Variants in KNTC1 observed in about 807,000 individuals in gnomAD.
KNTC1 encodes the protein kinetochore associated 1.
In KNTC1, 253 loss-of-function variants were observed where a neutral mutation model predicts 314.4. That is an observed-to-expected ratio of 0.80 (90% CI 0.73 to 0.89). The LOEUF is 0.89. KNTC1 is among the 40% of genes least tolerant of loss of function. The pLI, the probability that KNTC1 is intolerant of heterozygous loss-of-function variation, is 0.00. For synonymous variants in KNTC1, 901 were observed against 901.4 expected, an observed-to-expected ratio of 1.00 and a Z score of 0.01; for missense variants, 2,475 against 2,572.9, an observed-to-expected ratio of 0.96 and a Z score of 0.82.
rs373995140 is a variant in KNTC1 at position 122,622,618 on chromosome 12, T to TAA, written c.6515+23_6515+24dup. The stretch of plus-strand genomic sequence containing the variant: ...GGCAAATGACTTAAGGTAAGTTAAT[T>TAA]AAAAAAAAAAAAACTTACTGTGGAA... On this transcript the variant is annotated intron_variant, in intron 62 of 63. Coordinates refer to ENST00000333479, the MANE Select transcript of KNTC1 (RefSeq NM_014708.6). 2,014 of 1,217,036 alleles carry TAA rather than the reference T, an allele frequency of 1.7e-3. No homozygotes were observed. The highest frequency in any genetic ancestry group is 3.0e-3 in the South Asian group (182 of 61,218). The allele number at this position is 1,217,036 out of a possible 1,614,324, so 75.4% of individuals were successfully genotyped here.
intron 40 of KNTC1, among the ~76,000 whole-genome samples, chr12:122,589,711 A>G (rs554814842): frequency 2.4e-4 from 37 of 151,110 alleles, no homozygotes; most frequent in African/African-American, 3.4e-4. Flanking sequence ...GCCTCGAGCA[A>G]TCCTTCCACC....
intron 52 of KNTC1, among the ~76,000 whole-genome samples, chr12:122,610,059 G>C (rs1872957746): frequency 6.6e-6 from 1 of 152,192 alleles, no homozygotes. Context: ...CTCAGCCTTG[G>C]AGAGCTGATA....
Position 122,538,379 on chromosome 12 carries a change from G to A in KNTC1, c.291G>A (p.Lys97=). The change falls in exon 4 of 64, where the codon AAG becomes AAA. Residue 97 remains lysine, a synonymous_variant. Transcript: ENST00000333479. The stretch of plus-strand genomic sequence containing the variant: ...TAGTTGGCCTTTGTCAAGAAGGAAA[G>A]TTTCTTTTGGTTGGCGAGAGAAGTG... ...VDVVGLCQEG[K]FLLVGERSGN... 1 of 1,605,110 alleles carries A rather than the reference G, an allele frequency of 6.2e-7. No individual in the cohort carries two copies.
At chr12:122,592,744 G>A (rs1283212581) in intron 42 of KNTC1, 3 of 152,220 alleles carry the variant, frequency 2.0e-5, no homozygotes, top group Non-Finnish European at 4.4e-5. Context: ...CAGGCCACTC[G>A]GCTCTACCAA....
chr12:122,573,111 G>C (rs982556638), intron 25 of KNTC1, 31 bp from the exon 26 acceptor site: 1 of 1,613,730 alleles, frequency 6.2e-7, no homozygotes, highest in Non-Finnish European at 8.5e-7. Flanking sequence ...GGTAGAGTCT[G>C]TATTTATTCC....
chr12:122,542,154 T>G, intron 6 of KNTC1, 27 bp downstream of exon 6: 1 of 1,361,434 alleles, frequency 7.3e-7, no homozygotes, highest in South Asian at 1.4e-5. Flanking sequence ...ATTTTTATTA[T>G]TGATTTGCAG....
At chr12:122,601,142 G>A (rs1408218660) in intron 44 of KNTC1, among the ~76,000 whole-genome samples, 1 of 151,832 alleles carries the variant, frequency 6.6e-6, no homozygotes, top group Non-Finnish European at 1.5e-5. Context: ...GAGTGCAGTG[G>A]CGCAATCTCA....
intron 20 of KNTC1, among the ~76,000 whole-genome samples, chr12:122,565,994 G>C (rs1207417251): frequency 2.8e-5 from 4 of 144,418 alleles, no homozygotes; most frequent in African/African-American, 5.2e-5. Flanking sequence ...GGAGTGTGGA[G>C]TGCAGTGGCA....
chr12:122,543,528 C>T, intron 6 of KNTC1, 72 bp from the exon 7 acceptor site: 2 of 1,137,050 alleles, frequency 1.8e-6, no homozygotes, highest in Non-Finnish European at 2.5e-6. Context: ...TTCACCTTGA[C>T]ACAAAACAGG....
rs921971403 is a variant in KNTC1 at position 122,605,029 on chromosome 12, C to T, written c.5328C>T (p.Leu1776=). The part of the protein sequence containing the change: ...IGKPAHLIVS[L]YEHPSINQRI... ...AGCCAGCACATCTTATTGTCAGTCT[C>T]TACGAACATCCTAGCATCAATCAAA... is the stretch of plus-strand genomic sequence containing the variant. The change falls in exon 50 of 64, where the codon CTC becomes CTT. Residue 1776 remains leucine (L), a synonymous_variant. Coordinates refer to ENST00000333479, the MANE Select transcript of KNTC1 (RefSeq NM_014708.6). The T allele has an allele frequency of 1.1e-5, 18 of 1,613,156 alleles. No homozygotes were observed. The highest frequency in any genetic ancestry group is 9.3e-5 in the African/African-American group (7 of 74,920).
At chr12:122,549,666 G>A (rs541857123) in intron 12 of KNTC1, 100 bp from the exon 13 acceptor site, 8 of 677,862 alleles carry the variant, frequency 1.2e-5, no homozygotes, top group South Asian at 4.7e-5. Context: ...ACGCCCAGCC[G>A]CTCCCATGTG....
At chr12:122,619,950 C>T (rs1235394402) in intron 59 of KNTC1, 1 of 152,052 alleles carries the variant, frequency 6.6e-6, no homozygotes, top group Non-Finnish European at 1.5e-5. Context: ...GAGTGGATCA[C>T]TTGAGGTCAG....
chr12:122,601,428 G>A (rs1871883696), intron 44 of KNTC1, 108 bp from the exon 45 acceptor site: 4 of 981,540 alleles, frequency 4.1e-6, no homozygotes, highest in South Asian at 3.4e-5. Context: ...TAACAATGTA[G>A]TGCAGTGACA....
chr12:122,610,210 A>G (rs1262205242), intron 52 of KNTC1, among the ~76,000 whole-genome samples: 4 of 152,146 alleles, frequency 2.6e-5, no homozygotes, highest in African/African-American at 9.7e-5. Context: ...GGGAAAGGCC[A>G]CCTTTGTTCA....
intron 6 of KNTC1, among the ~76,000 whole-genome samples, chr12:122,542,579 A>G (rs552456497): frequency 3.3e-5 from 5 of 152,296 alleles, no homozygotes; most frequent in African/African-American, 1.2e-4. Context: ...CAGCCTGACC[A>G]ACATGAAGAA....
rs190304377 is a variant in KNTC1 at position 122,590,603 on chromosome 12, G to C, written c.4000-4G>C. ...TTGCTTCTTTTGCTGGTTTCTTCCT[G>C]TAGGTATTTAATTGTCGCTTGGTAG... On this transcript the variant is annotated splice_region_variant and splice_polypyrimidine_tract_variant and intron_variant, in intron 40 of 63. Coordinates refer to ENST00000333479, the MANE Select transcript of KNTC1 (RefSeq NM_014708.6). 6.2e-7 allele frequency: 1 copy of C among 1,608,892 alleles called. No individual in the cohort carries two copies. Among genetic ancestry groups the C allele is most frequent in the Admixed American group, 1.7e-5 (1 of 59,684 alleles).
chr12:122,581,222 G>A (rs1195384106), intron 33 of KNTC1, among the ~76,000 whole-genome samples: 2 of 146,684 alleles, frequency 1.4e-5, no homozygotes, highest in African/African-American at 2.5e-5. Flanking sequence ...TTTTGAGATG[G>A]AGTTTTGCTC....
In KNTC1 at chr12:122,577,021, A is replaced by G. The variant is rs761243612; in HGVS notation, c.2713A>G (p.Arg905Gly). The stretch of plus-strand genomic sequence containing the variant: ...TCTAAGAATTATTGACCTGATTGAT[A>G]GAGAACAGGTTTGTAAGTTTTATGT... Reference protein sequence around the residue: ...YSLRIIDLIDREQGEDCLLLL... With the variant: ...YSLRIIDLIDGEQGEDCLLLL... The change falls in exon 30 of 64, where the codon AGA becomes GGA. Residue 905 changes from arginine (R) to glycine (G), a missense_variant. Arg to Gly is a moderately radical substitution (Grantham distance 125). Coordinates refer to ENST00000333479, the MANE Select transcript of KNTC1 (RefSeq NM_014708.6). 6.5e-7 allele frequency: 1 copy of G among 1,539,576 alleles called. No individual in the cohort carries two copies. Among genetic ancestry groups the G allele is most frequent in the Non-Finnish European group, 8.7e-7 (1 of 1,145,578 alleles).
In KNTC1 at chr12:122,609,427, G is replaced by A. The variant is rs202054994; in HGVS notation, c.5540G>A (p.Arg1847Gln). The change falls in exon 52 of 64, where the codon CGA (arginine) becomes CAA (glutamine). Residue 1847 changes from arginine to glutamine, a missense_variant. Transcript: ENST00000333479. ...LFELQEDEAL[R>Q]RVQYLLLSRP... is the part of the protein sequence containing the mutation. ...GAACTTCAAGAAGATGAAGCCCTAC[G>A]AAGGTACTCTTTTCCTTTACTTATA... 12 of 1,566,532 alleles carry A rather than the reference G, an allele frequency of 7.7e-6. No individual in the cohort carries two copies. In the African/African-American group the frequency reaches 1.1e-4, roughly 14 times the overall value.
Sources: gnomAD v4.1 joint callset for allele counts (sites outside exome capture counted in the v4.1 genomes callset) on GRCh38, gnomAD v4.1.1 for gene constraint, MANE v1.5 for transcripts, NCBI Gene and HGNC (gene_info 2026-07-23, HGNC 2026-07-21) for gene names.